The following STAT4 variants were observed in gnomAD, a reference collection of about 807,000 sequenced individuals.
STAT4 encodes the protein signal transducer and activator of transcription 4.
In STAT4, 42 loss-of-function variants were observed where a neutral mutation model predicts 110.5. That is an observed-to-expected ratio of 0.38 (90% confidence interval 0.30 to 0.49). STAT4 has a LOEUF of 0.49. STAT4 is among the 20% of genes least tolerant of loss of function. The probability of loss-of-function intolerance (pLI) is 0.95; values close to 1 mark genes in which losing one functional copy is unlikely to be tolerated. For synonymous variants in STAT4, 284 were observed against 302.2 expected (o/e 0.94, Z 0.63); for missense variants, 632 against 887.9 (o/e 0.71, Z 3.66).
Position 191,063,180 on chromosome 2 carries a change from AATTTTATCAAC to A in STAT4, c.783-271_783-261del, listed in dbSNP as rs1394200174. 1.3e-4 allele frequency among the ~76,000 whole-genome samples: 20 copies of A among 152,226 alleles called. No homozygotes were observed. The South Asian group carries it at 3.9e-3, about 30-fold the overall frequency. On this transcript the variant is annotated intron_variant, in intron 8 of 23. Coordinates refer to ENST00000392320, the MANE Select transcript of STAT4 (RefSeq NM_003151.4). ...CAATTATATATGTCATCATTTATGA[AATTTTATCAAC>A]ATTTGGAACTAAATCCCTTTTAATC...
chr2:191,061,680 G>C lies in STAT4; in HGVS notation c.1034+49C>G. Reference sequence around the variant, plus strand: ...GAGAAATTGGCCTTGATCATCCAGAGACTATAGCTCCACAAACACACGAAA... The same window carrying C: ...GAGAAATTGGCCTTGATCATCCAGACACTATAGCTCCACAAACACACGAAA... On this transcript the variant is annotated intron_variant, in intron 10 of 23. Coordinates refer to ENST00000392320, the MANE Select transcript of STAT4 (RefSeq NM_003151.4). The surrounding 1 kb of genome is among the most constrained non-coding windows in gnomAD (Gnocchi z 6.2). 6.5e-7 allele frequency: 1 copy of C among 1,549,782 alleles called. No individual in the cohort carries two copies. Among genetic ancestry groups the C allele is most frequent in the Non-Finnish European group, 8.9e-7 (1 of 1,121,762 alleles).
chr2:191,118,623 C>A (rs1293082067), intron 3 of STAT4, among the ~76,000 whole-genome samples: 2 of 152,014 alleles, frequency 1.3e-5, no homozygotes, highest in African/African-American at 2.4e-5. Context: ...TAAGAATAGA[C>A]TTTTTAAGAT....
At position 191,112,885 on chromosome 2, in the gene STAT4, G is replaced by T. The variant is rs112822632; in HGVS notation, c.273+33728C>A. Among the ~76,000 whole-genome samples the T allele has an allele frequency of 6.6e-6, 1 of 152,164 alleles. No individual in the cohort carries two copies. The highest frequency in any genetic ancestry group is 1.5e-5 in the Non-Finnish European group (1 of 68,030). Reference sequence around the variant, plus strand: ...TGTGACTCAGAATTAAACATACAACGTTCAGTCCTATAATAGAGCAAATAT... The same window carrying T: ...TGTGACTCAGAATTAAACATACAACTTTCAGTCCTATAATAGAGCAAATAT... On this transcript the variant is annotated intron_variant, in intron 3 of 23. Coordinates refer to ENST00000392320, the MANE Select transcript of STAT4 (RefSeq NM_003151.4). The surrounding 1 kb of genome is among the most constrained non-coding windows in gnomAD (Gnocchi z 4.3).
chr2:191,092,594 T>C (rs1559063194), intron 3 of STAT4, among the ~76,000 whole-genome samples: 1 of 151,946 alleles, frequency 6.6e-6, no homozygotes, highest in Non-Finnish European at 1.5e-5. Flanking sequence ...GATGGCTGAA[T>C]AGGAACAGCT....
At position 191,066,662 on chromosome 2, in the gene STAT4, T is replaced by C. The variant is rs559733283; in HGVS notation, c.545-147A>G. 2.0e-4 allele frequency: 122 copies of C among 618,260 alleles called. 2 individuals carry two copies. In the South Asian group the frequency reaches 2.8e-3, roughly 14 times the overall value. 38.3% of individuals were successfully genotyped at this position (618,260 alleles called of 1,614,324 possible). On this transcript the variant is annotated intron_variant, in intron 6 of 23. Coordinates refer to ENST00000392320, the MANE Select transcript of STAT4 (RefSeq NM_003151.4). The surrounding 1 kb of genome is among the most constrained non-coding windows in gnomAD (Gnocchi z 4.3). ...TTCACTAGAGGTGAGCTTGGAAGTC[T>C]GTCTGCTCATTTTGCCAGGGAGAAT...
At chr2:191,073,268 G>T (rs16833233) in intron 4 of STAT4, 78 bp from the exon 5 acceptor site, 2 of 1,193,016 alleles carry the variant, frequency 1.7e-6, no homozygotes, top group South Asian at 2.5e-5. Context: ...CATACAATTC[G>T]ACCTGAGGTC....
intron 14 of STAT4, among the ~76,000 whole-genome samples, chr2:191,049,329 C>T (rs1164549246): frequency 6.6e-6 from 1 of 151,990 alleles, no homozygotes; most frequent in Non-Finnish European, 1.5e-5. Context: ...CAACCCGCCA[C>T]CACTCCTGGC....
At chr2:191,057,581 C>CTTTTTTTTTTTTTCTTTT (rs1696733878) in intron 13 of STAT4, among the ~76,000 whole-genome samples, 6 of 121,314 alleles carry the variant, frequency 4.9e-5, no homozygotes, top group Admixed American at 8.9e-5. Context: ...AATTTCTTTT[C>CTTTTTTTTTTTTTCTTTT]TTTTTTTTTT....
intron 14 of STAT4, among the ~76,000 whole-genome samples, chr2:191,049,167 CTTTTTTTT>C (rs11410725): frequency 2.6e-4 from 27 of 104,128 alleles, no homozygotes; most frequent in Non-Finnish European, 4.3e-4. Flanking sequence ...ATGGTAATAG[CTTTTTTTT>C]TTTTTTTTTT....
intron 1 of STAT4, among the ~76,000 whole-genome samples, chr2:191,148,862 T>C (rs1031442303): frequency 6.6e-6 from 1 of 152,204 alleles, no homozygotes; most frequent in South Asian, 2.1e-4. Flanking sequence ...GGATCCATTA[T>C]AGATGGGCAA....
At chr2:191,040,617 A>C (rs1390446251) in intron 15 of STAT4, among the ~76,000 whole-genome samples, 2 of 151,950 alleles carry the variant, frequency 1.3e-5, no homozygotes, top group Non-Finnish European at 2.9e-5. Flanking sequence ...GCTGGAGTGC[A>C]GTGGCATGAT....
intron 3 of STAT4, among the ~76,000 whole-genome samples, chr2:191,106,647 AAAAATAAAATAAAATAAAAT>A (rs199803507): frequency 5.5e-5 from 7 of 127,258 alleles, no homozygotes; most frequent in African/African-American, 1.2e-4. Context: ...ACTCCATCTC[AAAAATAAAATAAAATAAAAT>A]AAAATAAAAT....
rs1696220103 is a variant in STAT4 at position 191,042,142 on chromosome 2, C to A, written c.1252-994G>T. On this transcript the variant is annotated intron_variant, in intron 14 of 23. Coordinates refer to ENST00000392320, the MANE Select transcript of STAT4 (RefSeq NM_003151.4). This position sits in a 1 kb window ranked among gnomAD's most constrained non-coding sequence, Gnocchi z 4.2. Reference sequence around the variant, plus strand: ...GTCCTCCAACACCCCTTTGAAACAGCCAGATTCTAATAATCACCCTAAGTC... The same window carrying A: ...GTCCTCCAACACCCCTTTGAAACAGACAGATTCTAATAATCACCCTAAGTC... Among the ~76,000 whole-genome samples the A allele has an allele frequency of 6.6e-6, 1 of 152,138 alleles. No individual in the cohort carries two copies. Among genetic ancestry groups the A allele is most frequent in the South Asian group, 2.1e-4 (1 of 4,826 alleles).
In STAT4 at chr2:191,033,968, C is replaced by T; in HGVS notation, c.1658G>A (p.Trp553Ter). The change falls in exon 19 of 24, where the codon TGG (tryptophan) becomes TAG (stop). Residue 553 changes from tryptophan (W) to a stop codon, truncating the protein, a stop_gained. Coordinates refer to ENST00000392320, the MANE Select transcript of STAT4 (RefSeq NM_003151.4). LOFTEE classifies it high-confidence loss of function. This position sits in a 1 kb window ranked among gnomAD's most constrained non-coding sequence, Gnocchi z 6.9. ...AATTAGATCCAATATTGCTTCAAGCCATGTCCAAAAGGTAAATGATTTACC... is the reference window on the plus strand; with the variant it reads ...AATTAGATCCAATATTGCTTCAAGCTATGTCCAAAAGGTAAATGATTTACC... ...LPGKSFTFWT[W>*]LEAILDLIKK... 6.2e-7 allele frequency: 1 copy of T among 1,612,500 alleles called. No individual in the cohort carries two copies. The highest frequency in any genetic ancestry group is 8.5e-7 in the Non-Finnish European group (1 of 1,179,432).
Position 191,082,999 on chromosome 2 carries a change from AG to A in STAT4, c.274-6675del, listed in dbSNP as rs1404271648. 6.6e-6 allele frequency among the ~76,000 whole-genome samples: 1 copy of A among 152,218 alleles called. No individual in the cohort carries two copies. The highest frequency in any genetic ancestry group is 2.4e-5 in the African/African-American group (1 of 41,460). On this transcript the variant is annotated intron_variant, in intron 3 of 23. Transcript: ENST00000392320. The surrounding 1 kb of genome is among the most constrained non-coding windows in gnomAD (Gnocchi z 4.7). ...CTGACTGTAGTGACCTGGCAACTGC[AG>A]GATGAGAATGATAGGTCCCAGGTCA...
At chr2:191,109,873 G>A (rs946585055) in intron 3 of STAT4, among the ~76,000 whole-genome samples, 4 of 152,130 alleles carry the variant, frequency 2.6e-5, no homozygotes, top group African/African-American at 9.7e-5. Context: ...TGGCAACTGC[G>A]TTGGGCAACT....
chr2:191,059,293 G>A lies in STAT4; in HGVS notation c.1035-524C>T, dbSNP rs1344947825. 6.6e-6 allele frequency among the ~76,000 whole-genome samples: 1 copy of A among 151,932 alleles called. No individual in the cohort carries two copies. Among genetic ancestry groups the A allele is most frequent in the Non-Finnish European group, 1.5e-5 (1 of 67,982 alleles). On this transcript the variant is annotated intron_variant, in intron 10 of 23. Transcript: ENST00000392320. The surrounding 1 kb of genome is among the most constrained non-coding windows in gnomAD (Gnocchi z 4.7). ...ACTATATTTAAGTAACAGCAAAAAC[G>A]TTCATTAAAAAAACAAACTTCAAAT...
intron 3 of STAT4, among the ~76,000 whole-genome samples, chr2:191,105,153 G>C (rs10181656): frequency 0.78 from 118,878 of 152,170 alleles, 46,733 homozygotes; most frequent in African/African-American, 0.85. Flanking sequence ...ACTCTTCTCA[G>C]CCCTTGTACC....
chr2:191,137,808 C>G (rs910744561), intron 3 of STAT4, among the ~76,000 whole-genome samples: 2 of 151,904 alleles, frequency 1.3e-5, no homozygotes, highest in African/African-American at 4.8e-5. Flanking sequence ...GATATCCCTA[C>G]ACCGAAGAAT....
Sources: allele counts gnomAD v4.1 joint callset (sites outside exome capture counted in the v4.1 genomes callset), GRCh38; gene constraint gnomAD v4.1.1; non-coding constraint Gnocchi (gnomAD v3.1); transcripts MANE v1.5; gene names NCBI Gene and HGNC (gene_info 2026-07-23, HGNC 2026-07-21).